Variants in ASB10 observed in about 807,000 individuals in gnomAD.
ASB10 encodes ankyrin repeat and SOCS box containing 10, also known as ankyrin repeat and SOCS box protein 10.
A neutral mutation model predicts 35.4 loss-of-function variants in ASB10; 44 were observed. The observed-to-expected ratio is 1.24, with a 90% CI of 0.98 to 1.60. ASB10 has a LOEUF of 1.60. Among genes scored for constraint, ASB10 ranks in the 40% most tolerant of loss-of-function variants. The pLI is 0.00. For synonymous variants in ASB10, 294 were observed against 280.4 expected (o/e 1.05, Z -0.49); for missense variants, 647 against 634.3 (o/e 1.02, Z -0.22).
intron 2 of ASB10, among the ~76,000 whole-genome samples, chr7:151,184,413 AGAAAG>A (rs1278308282): frequency 6.7e-6 from 1 of 148,892 alleles, no homozygotes; most frequent in Non-Finnish European, 1.5e-5. Context: ...AAAAAAAAAA[AGAAAG>A]GAAGGAAATT....
chr7:151,181,541 TC>T (rs34397881), intron 2 of ASB10, 83 bp from the exon 3 acceptor site: 12 of 1,454,038 alleles, frequency 8.3e-6, no homozygotes, highest in Non-Finnish European at 1.1e-5. Flanking sequence ...TGGTTCTGTC[TC>T]CCCCCACCCA....
chr7:151,179,000 C>T (rs1460441136), intron 3 of ASB10, among the ~76,000 whole-genome samples: 1 of 152,174 alleles, frequency 6.6e-6, no homozygotes, highest in Admixed American at 6.5e-5. Context: ...TTCAAAACTG[C>T]CCATCCCAGT....
At chr7:151,187,287 T>A, upstream of ASB10, 1 of 1,506,094 alleles carries the variant, frequency 6.6e-7, no homozygotes, top group Non-Finnish European at 8.9e-7. The surrounding 1 kb of genome is among the most constrained non-coding windows in gnomAD (Gnocchi z 5.3). Flanking sequence ...TATTCTGGGC[T>A]CCACATGACT....
chr7:151,177,115 C>G (rs1243819471), intron 3 of ASB10, among the ~76,000 whole-genome samples: 1 of 152,264 alleles, frequency 6.6e-6, no homozygotes. Context: ...TTTCAAACTT[C>G]CAGCCTCCAC....
rs149064245 is a variant in ASB10, at chr7:151,181,157, G to A, written c.886C>T (p.Arg296Ter). 143 of 1,609,686 alleles carry A rather than the reference G, an allele frequency of 8.9e-5. 1 individual carries two copies. The East Asian group carries it at 1.3e-3, about 15-fold the overall frequency. Residue 296 changes from arginine (R) to a stop codon, truncating the protein, a stop_gained, in exon 3 of 6, where the codon CGA (arginine) becomes TGA (stop). Coordinates refer to ENST00000420175, the MANE Select transcript of ASB10 (RefSeq NM_001142459.2). LOFTEE classifies it high-confidence loss of function. ...DADAADQDKQ[R>*]PLHLACRRGH... ...CGGCGGCAGGCCAGGTGCAGGGGTC[G>A]CTGCTTGTCCTGGTCCGCAGCATCA... is the stretch of plus-strand genomic sequence containing the variant.
At chr7:151,185,676 C>CAG (rs1801576070) in intron 2 of ASB10, among the ~76,000 whole-genome samples, 1 of 152,162 alleles carries the variant, frequency 6.6e-6, no homozygotes, top group Non-Finnish European at 1.5e-5. Context: ...GAGAGGGCCT[C>CAG]TATAGGATGT....
chr7:151,177,827 C>G (rs1320353026), intron 3 of ASB10, among the ~76,000 whole-genome samples: 1 of 152,210 alleles, frequency 6.6e-6, no homozygotes, highest in African/African-American at 2.4e-5. Flanking sequence ...TGAGGGCCTA[C>G]TATGTGCCAA....
upstream of ASB10, chr7:151,187,528 C>A: frequency 1.9e-6 from 3 of 1,551,492 alleles, no homozygotes; most frequent in Non-Finnish European, 2.6e-6. This position sits in a 1 kb window ranked among gnomAD's most constrained non-coding sequence, Gnocchi z 5.3. Flanking sequence ...GCGGGGGGAA[C>A]AGCTCCTGCA....
Position 151,176,953 on chromosome 7 carries a change from G to A in ASB10, c.1105-277C>T, listed in dbSNP as rs867788633. Among the ~76,000 whole-genome samples, 8 of 152,346 alleles carry A rather than the reference G, an allele frequency of 5.3e-5. No individual in the cohort carries two copies. The South Asian group carries it at 6.2e-4, about 12-fold the overall frequency. On this transcript the variant is annotated intron_variant, in intron 3 of 5. Transcript: ENST00000420175. ...ACACGGACACAGAAAAGAAGGCCACGTGATGACAAAGGCAGACAGTGGAGT... is the reference window on the plus strand; with the variant it reads ...ACACGGACACAGAAAAGAAGGCCACATGATGACAAAGGCAGACAGTGGAGT...
At chr7:151,185,248 C>T (rs1009732538) in intron 2 of ASB10, among the ~76,000 whole-genome samples, 2 of 150,330 alleles carry the variant, frequency 1.3e-5, no homozygotes, top group African/African-American at 2.4e-5. Context: ...CCTCCCGAGT[C>T]GCTGGGATTA....
At chr7:151,181,599 A>T in intron 2 of ASB10, 141 bp from the exon 3 acceptor site, 1 of 1,277,516 alleles carries the variant, frequency 7.8e-7, no homozygotes, top group Non-Finnish European at 1.0e-6. Context: ...ATTCTGCAAG[A>T]TCAACAGTGC....
intron 3 of ASB10, 108 bp downstream of exon 3, chr7:151,180,831 G>C (rs773862484): frequency 9.2e-6 from 13 of 1,406,622 alleles, no homozygotes; most frequent in South Asian, 1.7e-5. Flanking sequence ...CAGACAGAAG[G>C]AACCAATCTA....
chr7:151,186,657 G>C lies in ASB10; in HGVS notation c.319C>G (p.Leu107Val), dbSNP rs1801601254. Residue 107 changes from leucine to valine, a missense_variant and splice_region_variant, in exon 2 of 6, where the codon CTC (leucine) becomes GTC (valine). Physicochemically the swap from Leu to Val is conservative, Grantham distance 32. Transcript: ENST00000420175. Reference protein sequence around the residue: ...DFRFNIRALRLWSLTYEEELT... With the variant: ...DFRFNIRALRVWSLTYEEELT... ...TCCTCTTCGTATGTCAGAGACCAGAGTCCTAGGGAGGGGAGACGTGGGCCT... is the reference window on the plus strand; with the variant it reads ...TCCTCTTCGTATGTCAGAGACCAGACTCCTAGGGAGGGGAGACGTGGGCCT... 1 of 1,601,962 alleles carries C rather than the reference G, an allele frequency of 6.2e-7. No individual in the cohort carries two copies. The highest frequency in any genetic ancestry group is 8.5e-7 in the Non-Finnish European group (1 of 1,172,400).
chr7:151,186,136 T>C (rs886072452), intron 2 of ASB10, among the ~76,000 whole-genome samples: 3 of 152,110 alleles, frequency 2.0e-5, no homozygotes, highest in African/African-American at 7.2e-5. Flanking sequence ...AATTTCCCAA[T>C]GCGGGCCATG....
intron 3 of ASB10, 58 bp from the exon 4 acceptor site, chr7:151,176,734 TC>T: frequency 8.2e-7 from 1 of 1,223,824 alleles, no homozygotes; most frequent in Non-Finnish European, 1.2e-6. Flanking sequence ...ACCAGACAGC[TC>T]CAGAATAGTT....
Position 151,186,546 on chromosome 7 carries a change from T to G in ASB10, c.430A>C (p.Ser144Arg). Residue 144 changes from serine to arginine, a missense_variant, in exon 2 of 6, where the codon AGT becomes CGT. Physicochemically the swap from Ser to Arg is moderately radical, Grantham distance 110. Coordinates refer to ENST00000420175, the MANE Select transcript of ASB10 (RefSeq NM_001142459.2). ...AGGGCGGTGCGGCCCCCAGGGGCACTGTCTGGCCTTGCTCGCCGCCTCAGC... is the reference window on the plus strand; with the variant it reads ...AGGGCGGTGCGGCCCCCAGGGGCACGGTCTGGCCTTGCTCGCCGCCTCAGC... The part of the protein sequence containing the change: ...LLLRRRARPD[S>R]APGGRTALHE... The G allele has an allele frequency of 1.2e-6, 2 of 1,604,148 alleles. No homozygotes were observed. Among genetic ancestry groups the G allele is most frequent in the Non-Finnish European group, 1.7e-6 (2 of 1,176,066 alleles).
rs1249696392 is a variant in ASB10, at chr7:151,187,141, A to T, written c.-11T>A. The T allele has an allele frequency of 1.9e-6, 3 of 1,574,470 alleles. No homozygotes were observed. Among genetic ancestry groups the T allele is most frequent in the Non-Finnish European group, 2.6e-6 (3 of 1,159,546 alleles). The stretch of plus-strand genomic sequence containing the variant: ...CCAACTCATGAGCATGTGGGCAGGG[A>T]AAGGGGAGTGGGGAGGAGGAGAGGT... On this transcript the variant is annotated 5_prime_UTR_variant, in exon 1 of 6. Transcript: ENST00000420175. This position sits in a 1 kb window ranked among gnomAD's most constrained non-coding sequence, Gnocchi z 5.3.
intron 3 of ASB10, among the ~76,000 whole-genome samples, chr7:151,178,170 G>A (rs1057364272): frequency 2.6e-5 from 4 of 152,350 alleles, no homozygotes; most frequent in Non-Finnish European, 5.9e-5. Context: ...AATCTCTTGA[G>A]CCTGGGAGGC....
intron 2 of ASB10, among the ~76,000 whole-genome samples, chr7:151,184,336 C>T (rs1261867020): frequency 6.6e-6 from 1 of 151,376 alleles, no homozygotes; most frequent in East Asian, 2.0e-4. Context: ...TGGCGTGAAC[C>T]CGGGAGGCGG....
Sources: allele counts gnomAD v4.1 joint callset (sites outside exome capture counted in the v4.1 genomes callset), GRCh38; gene constraint gnomAD v4.1.1; non-coding constraint Gnocchi (gnomAD v3.1); transcripts MANE v1.5; gene names NCBI Gene and HGNC (gene_info 2026-07-23, HGNC 2026-07-21).